MREG: variants seen among roughly 807,000 people sequenced by gnomAD.
MREG encodes melanoregulin, also known as dilute suppressor protein homolog.
A neutral mutation model predicts 28.5 loss-of-function variants in MREG; 31 were observed. The ratio of observed to expected loss-of-function variants is 1.09; its 90% CI spans 0.82 to 1.47. The LOEUF is 1.47. MREG is among the 40% of genes most tolerant of loss of function. The probability of loss-of-function intolerance (pLI) is 0.00; values close to 1 mark genes in which losing one functional copy is unlikely to be tolerated. For missense variants in MREG, 256 were observed against 257.4 expected, an observed-to-expected ratio of 0.99 and a Z score of 0.04; for synonymous variants, 106 against 95.2, an observed-to-expected ratio of 1.11 and a Z score of -0.66.
chr2:215,949,510 G>A (rs1326349987), intron 2 of MREG, among the ~76,000 whole-genome samples: 3 of 150,832 alleles, frequency 2.0e-5, no homozygotes, highest in African/African-American at 4.9e-5. Context: ...GCAGTGAGCC[G>A]AGATCACGCC....
chr2:215,988,001 G>A (rs545810748), intron 2 of MREG, among the ~76,000 whole-genome samples: 58 of 152,244 alleles, frequency 3.8e-4, no homozygotes, highest in African/African-American at 1.3e-3. Flanking sequence ...TTATCATCAC[G>A]TCTTCATGTT....
intron 1 of MREG, among the ~76,000 whole-genome samples, chr2:216,003,591 T>C (rs1021421263): frequency 3.9e-5 from 6 of 152,118 alleles, no homozygotes; most frequent in African/African-American, 1.4e-4. Context: ...CTCTCCCAAA[T>C]TTCAAATTTC....
upstream of MREG, among the ~76,000 whole-genome samples, chr2:216,015,793 G>C (rs1251708962): frequency 6.6e-6 from 1 of 152,162 alleles, no homozygotes; most frequent in Non-Finnish European, 1.5e-5. Flanking sequence ...ATTGTAAATA[G>C]GGTGTGAAAA....
intron 1 of MREG, among the ~76,000 whole-genome samples, chr2:216,021,357 G>A (rs908058679): frequency 6.6e-6 from 1 of 152,098 alleles, no homozygotes; most frequent in Non-Finnish European, 1.5e-5. Context: ...CAAAGTGCTG[G>A]GATTACAGGC....
At chr2:216,031,678 AG>A in intron 1 of MREG, among the ~76,000 whole-genome samples, 1 of 46,850 alleles carries the variant, frequency 2.1e-5, no homozygotes, top group Non-Finnish European at 4.0e-5. Flanking sequence ...AAAGAAAGAA[AG>A]AAAGAAAGAA....
chr2:216,032,764 A>T (rs1230672546), intron 1 of MREG: 2 of 152,196 alleles, frequency 1.3e-5, no homozygotes, highest in African/African-American at 4.8e-5. Context: ...TGGGCTCAAT[A>T]ATTGCTAGTT....
At position 215,949,077 on chromosome 2, in the gene MREG, ACTACTACTAC is replaced by A. The variant is rs1559173522; in HGVS notation, c.256-1974_256-1965del. Among the ~76,000 whole-genome samples the A allele has an allele frequency of 4.1e-3, 494 of 119,600 alleles. 4 individuals are homozygous for A. Among genetic ancestry groups the A allele is most frequent in the East Asian group, 9.2e-3 (36 of 3,920 alleles). The allele number at this position is 119,600 out of a possible 152,430, so 78.5% of individuals were successfully genotyped here. A position where few individuals can be genotyped will look rare whatever the true frequency, so the allele number is the denominator to read the frequency against. ...TACTACTACTACTACTACTACTACT[ACTACTACTAC>A]TAATAATAATAATAATAATACAAAA... is the stretch of plus-strand genomic sequence containing the variant. On this transcript the variant is annotated intron_variant, in intron 2 of 4. Coordinates refer to ENST00000263268, the MANE Select transcript of MREG (RefSeq NM_018000.3).
chr2:216,019,456 C>T (rs1016570963), intron 1 of MREG, among the ~76,000 whole-genome samples: 1 of 151,812 alleles, frequency 6.6e-6, no homozygotes, highest in African/African-American at 2.4e-5. Flanking sequence ...TCTGTCTGTC[C>T]TATCACTCTG....
At chr2:216,020,878 T>C (rs1694510056) in intron 1 of MREG, among the ~76,000 whole-genome samples, 1 of 152,092 alleles carries the variant, frequency 6.6e-6, no homozygotes, top group South Asian at 2.1e-4. Flanking sequence ...ACTGCGTCCC[T>C]TAAAAATTCA....
intron 2 of MREG, among the ~76,000 whole-genome samples, chr2:215,989,771 C>A (rs1023645818): frequency 1.3e-5 from 2 of 151,368 alleles, no homozygotes; most frequent in Admixed American, 6.6e-5. Context: ...ATAGCCAAAT[C>A]GATCAAGCAG....
At chr2:215,950,330 C>T (rs924253070) in intron 2 of MREG, among the ~76,000 whole-genome samples, 5 of 152,180 alleles carry the variant, frequency 3.3e-5, no homozygotes, top group South Asian at 2.1e-4. Flanking sequence ...TGCTGTCCAT[C>T]GATTAGTCAT....
At chr2:215,984,859 T>A (rs920996235) in intron 2 of MREG, among the ~76,000 whole-genome samples, 1 of 152,226 alleles carries the variant, frequency 6.6e-6, no homozygotes, top group African/African-American at 2.4e-5. Flanking sequence ...AAAATCCCTT[T>A]CGTACTCATT....
chr2:215,954,457 C>CACAA (rs1367017123), intron 2 of MREG, among the ~76,000 whole-genome samples: 4 of 151,070 alleles, frequency 2.6e-5, no homozygotes, highest in African/African-American at 7.3e-5. Flanking sequence ...CACACACACA[C>CACAA]ACACACACAC....
downstream of MREG, among the ~76,000 whole-genome samples, chr2:215,941,312 G>T (rs1692194467): frequency 6.6e-6 from 1 of 152,220 alleles, no homozygotes; most frequent in African/African-American, 2.4e-5. Flanking sequence ...GAAAGTAGTA[G>T]TCGACAGGCA....
At chr2:215,948,519 C>T (rs1429171643) in intron 2 of MREG, among the ~76,000 whole-genome samples, 3 of 152,180 alleles carry the variant, frequency 2.0e-5, no homozygotes, top group African/African-American at 7.2e-5. Flanking sequence ...AAATATGCAA[C>T]CCTAGCCACA....
intron 2 of MREG, among the ~76,000 whole-genome samples, chr2:215,978,782 C>T (rs1693329831): frequency 6.6e-6 from 1 of 152,198 alleles, no homozygotes; most frequent in Non-Finnish European, 1.5e-5. Flanking sequence ...TCAGCAAAAA[C>T]CACATGATTA....
chr2:215,998,940 AG>A (rs1693942454), intron 1 of MREG, among the ~76,000 whole-genome samples: 1 of 152,236 alleles, frequency 6.6e-6, no homozygotes, highest in Non-Finnish European at 1.5e-5. Flanking sequence ...AGATTGTTGT[AG>A]GAACAAACAG....
chr2:216,019,978 G>A (rs559769148), intron 1 of MREG, among the ~76,000 whole-genome samples: 6 of 151,884 alleles, frequency 4.0e-5, no homozygotes, highest in East Asian at 3.8e-4. Flanking sequence ...CTTCATACTC[G>A]GGAATAATTC....
At chr2:215,986,875 G>A (rs1693585516) in intron 2 of MREG, among the ~76,000 whole-genome samples, 2 of 152,132 alleles carry the variant, frequency 1.3e-5, no homozygotes, top group Non-Finnish European at 2.9e-5. Flanking sequence ...AGCAGCATGA[G>A]AACAGACTAA....
Sources: allele counts gnomAD v4.1 joint callset (sites outside exome capture counted in the v4.1 genomes callset), GRCh38; gene constraint gnomAD v4.1.1; transcripts MANE v1.5; gene names NCBI Gene and HGNC (gene_info 2026-07-23, HGNC 2026-07-21).